The following SHROOM2 variants were observed in gnomAD, a reference collection of about 807,000 sequenced individuals.
SHROOM2 encodes protein Shroom2.
SHROOM2 carries 33 observed loss-of-function variants against 75.9 expected under a neutral mutation model. The observed-to-expected ratio is 0.43, with a 90% confidence interval of 0.33 to 0.58. The LOEUF (loss-of-function observed/expected upper bound fraction) is 0.58. SHROOM2 is among the 20% of genes least tolerant of loss of function. The pLI is 0.04. For synonymous variants in SHROOM2, 655 were observed against 663.6 expected (o/e 0.99, Z 0.20); for missense variants, 1,434 against 1,461.2 (o/e 0.98, Z 0.30).
At position 9,915,964 on chromosome X, in the gene SHROOM2, A is replaced by C. The variant is rs749668007; in HGVS notation, c.2892-16211A>C. Among the ~76,000 whole-genome samples, 11 of 112,006 alleles carry C rather than the reference A, an allele frequency of 9.8e-5. No individual in the cohort carries two copies. In the East Asian group the frequency reaches 2.5e-3, roughly 26 times the overall value. On this transcript the variant is annotated intron_variant, in intron 5 of 9. Coordinates refer to ENST00000380913, the MANE Select transcript of SHROOM2 (RefSeq NM_001649.4). Reference sequence around the variant, plus strand: ...TAACTAGTTTTTAATATATCTTACCACAGGGCCACCCAAAATTCAAAATTA... The same window carrying C: ...TAACTAGTTTTTAATATATCTTACCCCAGGGCCACCCAAAATTCAAAATTA...
At chrX:9,909,089 G>A (rs139361423) in intron 5 of SHROOM2, among the ~76,000 whole-genome samples, 1,591 of 111,468 alleles carry the variant, frequency 0.014, 41 homozygotes, top group African/African-American at 0.049. Flanking sequence ...ACTGAGTCTA[G>A]GGTTGGGGCA....
At chrX:9,866,814 T>TC (rs62992660) in intron 1 of SHROOM2, among the ~76,000 whole-genome samples, 24,108 of 109,610 alleles carry the variant, frequency 0.22, 2,488 homozygotes, top group African/African-American at 0.39. Context: ...GTCCTCGTCT[T>TC]CCCCCACTTC....
chrX:9,888,382 G>T, intron 2 of SHROOM2, among the ~76,000 whole-genome samples: 1 of 112,229 alleles, frequency 8.9e-6, no homozygotes, highest in Non-Finnish European at 1.9e-5. Context: ...TATCCACGTG[G>T]CTCACTTGGG....
At chrX:9,842,102 A>T (rs1413993497) in intron 1 of SHROOM2, among the ~76,000 whole-genome samples, 5 of 111,185 alleles carry the variant, frequency 4.5e-5, no homozygotes, top group African/African-American at 9.8e-5. Flanking sequence ...GCTGTGTTGT[A>T]TACTGTCTGC....
intron 5 of SHROOM2, among the ~76,000 whole-genome samples, chrX:9,911,381 C>T (rs766802897): frequency 1.8e-5 from 2 of 112,401 alleles, no homozygotes; most frequent in African/African-American, 6.5e-5. Context: ...TCTAAAATAG[C>T]AGTGATACAG....
chrX:9,820,590 C>G (rs957809245), intron 1 of SHROOM2, among the ~76,000 whole-genome samples: 10 of 111,919 alleles, frequency 8.9e-5, no homozygotes, highest in African/African-American at 2.9e-4. Flanking sequence ...GTCTCAAACT[C>G]CTGGGCTCAA....
Position 9,879,218 on chromosome X carries a change from G to A in SHROOM2, c.317+5415G>A, listed in dbSNP as rs143853082. On this transcript the variant is annotated intron_variant, in intron 2 of 9. Transcript: ENST00000380913. ...CTACTGAGTAGCTGGGACTACAGGT[G>A]CATGCCACCATGCCCAGCTTATTGT... is the stretch of plus-strand genomic sequence containing the variant. 4.5e-3 allele frequency among the ~76,000 whole-genome samples: 497 copies of A among 111,256 alleles called. 1 individual carries two copies. Among genetic ancestry groups the A allele is most frequent in the Admixed American group, 9.9e-3 (104 of 10,492 alleles).
At chrX:9,838,055 T>G (rs748569791) in intron 1 of SHROOM2, among the ~76,000 whole-genome samples, 2 of 89,855 alleles carry the variant, frequency 2.2e-5, no homozygotes, top group African/African-American at 9.2e-5. Context: ...TGTGTGTGTG[T>G]GGTTTTTTTT....
intron 2 of SHROOM2, among the ~76,000 whole-genome samples, chrX:9,883,629 A>G (rs1029164567): frequency 2.6e-4 from 28 of 109,136 alleles, no homozygotes; most frequent in African/African-American, 8.4e-4. Context: ...CCTTTTGTGG[A>G]AACTGGGAGC....
chrX:9,946,638 T>C, intron 9 of SHROOM2, 33 bp from the exon 10 acceptor site: 1 of 1,189,250 alleles, frequency 8.4e-7, no homozygotes, highest in South Asian at 1.9e-5. Context: ...GCTTTCATCC[T>C]GGTCCTCAAC....
intron 1 of SHROOM2, among the ~76,000 whole-genome samples, chrX:9,792,161 A>T (rs57536102): frequency 1.0e-5 from 1 of 99,803 alleles, no homozygotes; most frequent in Non-Finnish European, 2.0e-5. Flanking sequence ...GAATAGAATA[A>T]TCACCAGTAT....
chrX:9,888,145 C>T lies in SHROOM2; in HGVS notation c.318-2832C>T, dbSNP rs759049808. 1.2e-4 allele frequency among the ~76,000 whole-genome samples: 14 copies of T among 113,232 alleles called. No individual in the cohort carries two copies. The South Asian group carries it at 3.6e-3, about 29-fold the overall frequency. ...GGGCACAGCTGCGACTCACTCTCTC[C>T]CTTCCCCCATGACAGGGGCCTTCCG... is the stretch of plus-strand genomic sequence containing the variant. On this transcript the variant is annotated intron_variant, in intron 2 of 9. Coordinates refer to ENST00000380913, the MANE Select transcript of SHROOM2 (RefSeq NM_001649.4).
At chrX:9,828,271 C>T (rs1229495114) in intron 1 of SHROOM2, among the ~76,000 whole-genome samples, 1 of 112,051 alleles carries the variant, frequency 8.9e-6, no homozygotes, top group African/African-American at 3.2e-5. Flanking sequence ...CTACCTGGTC[C>T]GTCCCTTGAC....
intron 5 of SHROOM2, among the ~76,000 whole-genome samples, chrX:9,906,788 A>G (rs1396056332): frequency 2.7e-5 from 3 of 112,732 alleles, no homozygotes; most frequent in Non-Finnish European, 5.6e-5. Context: ...AACTGTCTCA[A>G]AAAAAATTAA....
intron 1 of SHROOM2, among the ~76,000 whole-genome samples, chrX:9,798,040 AAG>A (rs1467239937): frequency 3.6e-5 from 4 of 111,613 alleles, no homozygotes; most frequent in Non-Finnish European, 7.5e-5. Flanking sequence ...TAGACCAGCA[AAG>A]AGAGGAGAGA....
chrX:9,806,712 C>T (rs1490689033), intron 1 of SHROOM2, among the ~76,000 whole-genome samples: 4 of 99,888 alleles, frequency 4.0e-5, no homozygotes, highest in African/African-American at 7.4e-5. Flanking sequence ...ACAATCATCA[C>T]ATGCAACTTT....
At chrX:9,910,101 G>A (rs2084414304) in intron 5 of SHROOM2, among the ~76,000 whole-genome samples, 1 of 110,684 alleles carries the variant, frequency 9.0e-6, no homozygotes, top group African/African-American at 3.3e-5. Context: ...ATAGGAATTT[G>A]GGGGTGGGGG....
chrX:9,867,782 CTT>C (rs1213402604), intron 1 of SHROOM2, among the ~76,000 whole-genome samples: 1 of 111,793 alleles, frequency 8.9e-6, no homozygotes, highest in East Asian at 2.8e-4. Flanking sequence ...AAAATGAAGA[CTT>C]TTATCTCCCA....
Position 9,941,700 on chromosome X carries a change from G to A in SHROOM2, c.4311+2334G>A, listed in dbSNP as rs181417315. Among the ~76,000 whole-genome samples, 190 of 110,974 alleles carry A rather than the reference G, an allele frequency of 1.7e-3. 2 individuals are homozygous for A. The highest frequency in any genetic ancestry group is 6.0e-3 in the African/African-American group (184 of 30,647). On this transcript the variant is annotated intron_variant, in intron 8 of 9. Transcript: ENST00000380913. The stretch of plus-strand genomic sequence containing the variant: ...GAAAATTTCCTGAGCGGCCGGGCGC[G>A]GTGGCTCACGCTTGTAATCCCAGCA...
Sources: gnomAD v4.1 joint callset for allele counts (sites outside exome capture counted in the v4.1 genomes callset) on GRCh38, gnomAD v4.1.1 for gene constraint, MANE v1.5 for transcripts, NCBI Gene and HGNC (gene_info 2026-07-23, HGNC 2026-07-21) for gene names.